The following PLB1 variants were observed in gnomAD, a reference collection of about 807,000 sequenced individuals.
PLB1 encodes phospholipase B1, membrane-associated.
Under a neutral mutation model 227.4 loss-of-function variants are expected in PLB1, and 242 were observed. The observed-to-expected ratio is 1.06, with a 90% CI of 0.96 to 1.18. The LOEUF (loss-of-function observed/expected upper bound fraction) is 1.18, where lower values mean the gene tolerates loss of function less well. PLB1 is among the 50% of genes most tolerant of loss of function. PLB1 has a pLI of 0.00. For synonymous variants in PLB1, 757 were observed against 682.2 expected (o/e 1.11, Z -1.71); for missense variants, 1,858 against 1,816.3 (o/e 1.02, Z -0.42).
intron 9 of PLB1, among the ~76,000 whole-genome samples, chr2:28,534,863 TAAAAAA>T (rs1014378426): frequency 1.2e-5 from 1 of 86,122 alleles, no homozygotes; most frequent in Non-Finnish European, 2.8e-5. Flanking sequence ...CAAAAGAAAA[TAAAAAA>T]AAAAGAAAAG....
intron 53 of PLB1, among the ~76,000 whole-genome samples, chr2:28,629,689 A>G (rs140313834): frequency 1.2e-3 from 182 of 152,328 alleles, no homozygotes; most frequent in African/African-American, 4.0e-3. Context: ...TGGCCTACCA[A>G]GACTACCAAG....
chr2:28,562,994 C>G, intron 17 of PLB1, 47 bp from the exon 18 acceptor site: 1 of 1,547,748 alleles, frequency 6.5e-7, no homozygotes, highest in Non-Finnish European at 8.9e-7. Context: ...GGGTCCAGTG[C>G]TTTCCTGGAA....
In PLB1 at chr2:28,598,779, G is replaced by C; in HGVS notation, c.2474+19G>C. On this transcript the variant is annotated intron_variant, in intron 35 of 57. Coordinates refer to ENST00000327757, the MANE Select transcript of PLB1 (RefSeq NM_153021.5). Reference sequence around the variant, plus strand: ...AGGCTGAGTATGGCATTTGGGGAGGGAGGGAGCCTGCAGAGCAGGGAGTGG... The same window carrying C: ...AGGCTGAGTATGGCATTTGGGGAGGCAGGGAGCCTGCAGAGCAGGGAGTGG... 1 of 1,591,540 alleles carries C rather than the reference G, an allele frequency of 6.3e-7. No individual in the cohort carries two copies. Among genetic ancestry groups the C allele is most frequent in the Non-Finnish European group, 8.6e-7 (1 of 1,159,392 alleles).
chr2:28,620,331 A>C lies in PLB1; in HGVS notation c.3382A>C (p.Ser1128Arg). Reference protein sequence around the residue: ...LPTSWRGLSWSIGGDGNLETH... With the variant: ...LPTSWRGLSWRIGGDGNLETH... ...CACATCTTGGAGGGGACTCTCTTGG[A>C]GGTGAGGATGTTCTTGATGCATGCT... The change falls in exon 47 of 58, where the codon AGC becomes CGC. Residue 1128 changes from serine to arginine, a missense_variant and splice_region_variant. Transcript: ENST00000327757. 6.2e-7 allele frequency: 1 copy of C among 1,600,034 alleles called. No individual in the cohort carries two copies. The highest frequency in any genetic ancestry group is 8.5e-7 in the Non-Finnish European group (1 of 1,171,394).
intron 1 of PLB1, among the ~76,000 whole-genome samples, chr2:28,514,818 G>C (rs73922131): frequency 0.017 from 2,620 of 152,168 alleles, 79 homozygotes; most frequent in African/African-American, 0.06. Flanking sequence ...CCATTTGCTA[G>C]CAATGTCATC....
intron 33 of PLB1, 22 bp from the exon 34 acceptor site, chr2:28,597,983 C>G (rs774981391): frequency 1.2e-6 from 2 of 1,608,350 alleles, no homozygotes; most frequent in South Asian, 2.2e-5. Flanking sequence ...CTCTCATTCA[C>G]TGGCTTGCTC....
intron 19 of PLB1, among the ~76,000 whole-genome samples, chr2:28,565,717 C>T (rs1336833501): frequency 6.6e-6 from 1 of 152,152 alleles, no homozygotes; most frequent in Non-Finnish European, 1.5e-5. Flanking sequence ...GCCCTAGCTG[C>T]CCAGTTGGAT....
chr2:28,516,690 A>G, intron 1 of PLB1, 118 bp from the exon 2 acceptor site: 2 of 863,840 alleles, frequency 2.3e-6, no homozygotes, highest in African/African-American at 3.3e-5. Context: ...TCCCTAACAC[A>G]GTGGACATTA....
At chr2:28,515,276 G>A (rs1326147947) in intron 1 of PLB1, among the ~76,000 whole-genome samples, 1 of 152,156 alleles carries the variant, frequency 6.6e-6, no homozygotes, top group African/African-American at 2.4e-5. Context: ...ACTGGTCACA[G>A]CTCCCTGTTG....
chr2:28,562,685 G>T (rs1300808088), intron 17 of PLB1, among the ~76,000 whole-genome samples: 1 of 151,830 alleles, frequency 6.6e-6, no homozygotes, highest in African/African-American at 2.4e-5. Flanking sequence ...CATTTCCATG[G>T]CAATTTCTTC....
chr2:28,624,244 A>G (rs1274033370), intron 49 of PLB1, among the ~76,000 whole-genome samples: 1 of 152,194 alleles, frequency 6.6e-6, no homozygotes, highest in Non-Finnish European at 1.5e-5. Context: ...ACCCCAGGCA[A>G]CCACTAACCT....
chr2:28,596,543 G>A (rs1682944920), intron 33 of PLB1, among the ~76,000 whole-genome samples: 1 of 152,188 alleles, frequency 6.6e-6, no homozygotes, highest in Non-Finnish European at 1.5e-5. Context: ...GAGAAAAGGA[G>A]GCAGAATTAG....
In PLB1 at chr2:28,566,855, C is replaced by G. The variant is rs759269940; in HGVS notation, c.1324+16C>G. 6.2e-7 allele frequency: 1 copy of G among 1,613,932 alleles called. No individual in the cohort carries two copies. Among genetic ancestry groups the G allele is most frequent in the Non-Finnish European group, 8.5e-7 (1 of 1,179,942 alleles). ...ACCCTGGCGAGTGAGTACGCGGCGG[C>G]GGCCGGGATGTTTGGTTTGGGGCGG... is the stretch of plus-strand genomic sequence containing the variant. On this transcript the variant is annotated intron_variant, in intron 20 of 57. Transcript: ENST00000327757.
Position 28,585,773 on chromosome 2 carries a change from C to G in PLB1, c.1746C>G (p.Pro582=). 6.2e-7 allele frequency: 1 copy of G among 1,608,792 alleles called. No homozygotes were observed. The highest frequency in any genetic ancestry group is 1.1e-5 in the South Asian group (1 of 90,976). ...GTTTGGTCTACAGGTCTCTGTGTCCCTGTGTCCTGAAGTTTGATGATAACT... is the reference window on the plus strand; with the variant it reads ...GTTTGGTCTACAGGTCTCTGTGTCCGTGTGTCCTGAAGTTTGATGATAACT... ...CPRMILRSLC[P]CVLKFDDNST... Residue 582 remains proline (P), a synonymous_variant, in exon 26 of 58, where the codon CCC becomes CCG. Coordinates refer to ENST00000327757, the MANE Select transcript of PLB1 (RefSeq NM_153021.5).
At chr2:28,521,495 A>G (rs558236557) in intron 4 of PLB1, among the ~76,000 whole-genome samples, 58 of 152,216 alleles carry the variant, frequency 3.8e-4, no homozygotes, top group African/African-American at 1.3e-3. Context: ...AGGCATCCTA[A>G]TGGGTATGAG....
At chr2:28,577,618 G>A (rs964891675) in intron 21 of PLB1, among the ~76,000 whole-genome samples, 2 of 152,208 alleles carry the variant, frequency 1.3e-5, no homozygotes, top group Non-Finnish European at 2.9e-5. Flanking sequence ...CGAGGCAGAT[G>A]GATCGTGAGG....
intron 3 of PLB1, among the ~76,000 whole-genome samples, chr2:28,518,908 G>A (rs1325918083): frequency 1.3e-5 from 2 of 152,134 alleles, no homozygotes; most frequent in African/African-American, 2.4e-5. Context: ...TCTTGAGTGG[G>A]CCTTCTTCCC....
intron 26 of PLB1, among the ~76,000 whole-genome samples, chr2:28,587,702 C>T (rs1681139613): frequency 6.6e-6 from 1 of 152,176 alleles, no homozygotes; most frequent in African/African-American, 2.4e-5. Flanking sequence ...CTGGTTGCAG[C>T]TGCCACCTTC....
chr2:28,579,363 C>T (rs1679526455), intron 22 of PLB1, among the ~76,000 whole-genome samples: 2 of 152,210 alleles, frequency 1.3e-5, no homozygotes, highest in South Asian at 4.1e-4. Flanking sequence ...TCTGTATCCA[C>T]TCCCACCAGG....
Sources: allele counts gnomAD v4.1 joint callset (sites outside exome capture counted in the v4.1 genomes callset), GRCh38; gene constraint gnomAD v4.1.1; transcripts MANE v1.5; gene names NCBI Gene and HGNC (gene_info 2026-07-23, HGNC 2026-07-21).